SLC25A26: variants seen among roughly 807,000 people sequenced by gnomAD.
SLC25A26 encodes solute carrier family 25 member 26.
A neutral mutation model predicts 37.8 loss-of-function variants in SLC25A26; 36 were observed. The ratio of observed to expected loss-of-function variants is 0.95; its 90% CI spans 0.73 to 1.26. SLC25A26 has a LOEUF of 1.26. Ranked by LOEUF, SLC25A26 falls within the 50% of genes most tolerant of loss-of-function variation. SLC25A26 has a pLI of 0.00. For synonymous variants in SLC25A26, 129 were observed against 122.5 expected, an observed-to-expected ratio of 1.05 and a Z score of -0.35; for missense variants, 390 against 331.1, an observed-to-expected ratio of 1.18 and a Z score of -1.38.
intron 6 of SLC25A26, among the ~76,000 whole-genome samples, chr3:66,356,374 A>G (rs1321190547): frequency 1.3e-5 from 2 of 152,192 alleles, no homozygotes; most frequent in African/African-American, 4.8e-5. Flanking sequence ...GGCCTTTAGC[A>G]TTAAGTGAAG....
At chr3:66,137,259 C>T (rs952250709) in intron 1 of SLC25A26, among the ~76,000 whole-genome samples, 16 of 132,812 alleles carry the variant, frequency 1.2e-4, no homozygotes, top group South Asian at 2.4e-4. Context: ...TTGCTCTTGT[C>T]GCCCGAGCTG....
chr3:66,184,439 C>T (rs1202859753), intron 1 of SLC25A26, among the ~76,000 whole-genome samples: 1 of 152,018 alleles, frequency 6.6e-6, no homozygotes, highest in South Asian at 2.1e-4. Context: ...AAATTCTGAC[C>T]CTTATCCTTG....
At chr3:66,150,135 G>A (rs572410867) in intron 1 of SLC25A26, among the ~76,000 whole-genome samples, 1 of 152,168 alleles carries the variant, frequency 6.6e-6, no homozygotes, top group African/African-American at 2.4e-5. Context: ...AGATCTAAAG[G>A]TACAAAGGTG....
At chr3:66,160,972 A>G (rs1464939677) in intron 1 of SLC25A26, among the ~76,000 whole-genome samples, 2 of 152,154 alleles carry the variant, frequency 1.3e-5, no homozygotes, top group Non-Finnish European at 2.9e-5. Context: ...CTTAGCTGAC[A>G]GAGTTTACAA....
chr3:66,298,873 T>C (rs2074987045), intron 5 of SLC25A26, among the ~76,000 whole-genome samples: 1 of 152,218 alleles, frequency 6.6e-6, no homozygotes, highest in South Asian at 2.1e-4. Flanking sequence ...GCATAGGTTG[T>C]TTCTATTTCA....
chr3:66,170,791 G>GTTGTTTTT (rs2070484512), intron 1 of SLC25A26, among the ~76,000 whole-genome samples: 2 of 50,904 alleles, frequency 3.9e-5, no homozygotes, highest in East Asian at 1.6e-3. Flanking sequence ...TGTGATTATT[G>GTTGTTTTT]TTTTTTTTTT....
chr3:66,213,399 CAAAAAAAA>C (rs1169648803), intron 1 of SLC25A26, among the ~76,000 whole-genome samples: 1 of 28,830 alleles, frequency 3.5e-5, no homozygotes, highest in Non-Finnish European at 5.9e-5. Flanking sequence ...GACTCTGTCT[CAAAAAAAA>C]AAAAAAAAAA....
At chr3:66,309,854 G>A (rs764827441) in intron 5 of SLC25A26, among the ~76,000 whole-genome samples, 9 of 140,466 alleles carry the variant, frequency 6.4e-5, no homozygotes, top group African/African-American at 2.4e-4. Flanking sequence ...TTGCACTGTG[G>A]TCTGAGAGAC....
At chr3:66,252,906 A>G (rs1316031722) in intron 3 of SLC25A26, among the ~76,000 whole-genome samples, 1 of 152,138 alleles carries the variant, frequency 6.6e-6, no homozygotes, top group Non-Finnish European at 1.5e-5. Context: ...GTAGTATTTA[A>G]AAAATGGCAG....
intron 6 of SLC25A26, among the ~76,000 whole-genome samples, chr3:66,361,328 CTT>C (rs1482197657): frequency 6.6e-6 from 1 of 152,156 alleles, no homozygotes; most frequent in African/African-American, 2.4e-5. Context: ...ATCTTTGTGA[CTT>C]TGAGTTAGGC....
chr3:66,360,033 A>G (rs2076662939), intron 6 of SLC25A26, among the ~76,000 whole-genome samples: 1 of 152,202 alleles, frequency 6.6e-6, no homozygotes, highest in African/African-American at 2.4e-5. Flanking sequence ...TTAATTTGTT[A>G]GATAGTTAAC....
chr3:66,349,510 G>A (rs1364367917), intron 6 of SLC25A26, among the ~76,000 whole-genome samples: 1 of 151,742 alleles, frequency 6.6e-6, no homozygotes, highest in Non-Finnish European at 1.5e-5. Context: ...ATATTTTTGA[G>A]ATGCTTTCCT....
chr3:66,367,370 A>G (rs1257504750), intron 7 of SLC25A26, among the ~76,000 whole-genome samples: 1 of 152,106 alleles, frequency 6.6e-6, no homozygotes, highest in African/African-American at 2.4e-5. Flanking sequence ...TAAAATCTTC[A>G]AGTTTTTAGC....
chr3:66,341,751 C>T (rs1439529053), intron 5 of SLC25A26, among the ~76,000 whole-genome samples: 1 of 152,010 alleles, frequency 6.6e-6, no homozygotes, highest in Non-Finnish European at 1.5e-5. Flanking sequence ...CAATTTTCCT[C>T]CTTTTAGGTT....
rs2070946472 is a variant in SLC25A26 at position 66,191,788 on chromosome 3, G to A, written c.-353-28954G>A. 2.0e-5 allele frequency among the ~76,000 whole-genome samples: 3 copies of A among 152,132 alleles called. No individual in the cohort carries two copies. In the South Asian group the frequency reaches 6.2e-4, roughly 32 times the overall value. On this transcript the variant is annotated intron_variant, in intron 1 of 10. Coordinates refer to the SLC25A26 transcript ENST00000676754. ...TGCCTGTAATCCTAGCTACTTGGGA[G>A]GCTGAGGCAAGATAATTGCTTGAGC...
chr3:66,372,822 C>A (rs1467404295), intron 9 of SLC25A26, among the ~76,000 whole-genome samples: 6 of 152,184 alleles, frequency 3.9e-5, no homozygotes, highest in Admixed American at 3.9e-4. Context: ...CCTCTGTGCT[C>A]CAAGCACACA....
At chr3:66,246,774 T>C (rs935860838) in intron 3 of SLC25A26, among the ~76,000 whole-genome samples, 1 of 152,198 alleles carries the variant, frequency 6.6e-6, no homozygotes, top group Non-Finnish European at 1.5e-5. Context: ...AATTTGCCCA[T>C]GTTGGCTTCA....
chr3:66,309,767 T>C (rs1344002351), intron 5 of SLC25A26, among the ~76,000 whole-genome samples: 1 of 152,236 alleles, frequency 6.6e-6, no homozygotes, highest in Non-Finnish European at 1.5e-5. Flanking sequence ...ATTTATCTAA[T>C]AGTCATTCAG....
intron 3 of SLC25A26, among the ~76,000 whole-genome samples, chr3:66,256,279 G>A (rs947550432): frequency 6.6e-6 from 1 of 152,096 alleles, no homozygotes; most frequent in Non-Finnish European, 1.5e-5. Flanking sequence ...CTGGTAAGCT[G>A]TTTAATCTGT....
Sources: allele counts gnomAD v4.1 joint callset (sites outside exome capture counted in the v4.1 genomes callset), GRCh38; gene constraint gnomAD v4.1.1; transcripts MANE v1.5; gene names NCBI Gene and HGNC (gene_info 2026-07-23, HGNC 2026-07-21).